Variants in ADAM17 observed in about 807,000 individuals in gnomAD.
ADAM17 encodes the protein ADAM metallopeptidase domain 17.
A neutral mutation model predicts 96.7 loss-of-function variants in ADAM17; 39 were observed. The ratio of observed to expected loss-of-function variants is 0.40; its 90% CI spans 0.31 to 0.53. The LOEUF (loss-of-function observed/expected upper bound fraction) is 0.53. Among genes scored for constraint, ADAM17 ranks in the 20% least tolerant of loss-of-function variants. The pLI is 0.44. For missense variants in ADAM17, 777 were observed against 1,013.2 expected (o/e 0.77, Z 3.17); for synonymous variants, 344 against 359.2 (o/e 0.96, Z 0.48).
chr2:9,537,871 G>C (rs1467132336), intron 2 of ADAM17, among the ~76,000 whole-genome samples: 1 of 130,542 alleles, frequency 7.7e-6, no homozygotes, highest in African/African-American at 2.8e-5. Flanking sequence ...CCAGAAGACA[G>C]GAAAAGAGGG....
intron 2 of ADAM17, among the ~76,000 whole-genome samples, chr2:9,541,969 G>C (rs1665222617): frequency 6.6e-6 from 1 of 152,130 alleles, no homozygotes; most frequent in Non-Finnish European, 1.5e-5. Flanking sequence ...GAACCCAGGA[G>C]GCAGAGGTTG....
chr2:9,535,234 A>G (rs188256424), intron 4 of ADAM17, among the ~76,000 whole-genome samples: 41 of 152,278 alleles, frequency 2.7e-4, no homozygotes, highest in African/African-American at 9.1e-4. Context: ...CACCACCCAG[A>G]GTCTTCTCAT....
At chr2:9,514,525 ATATATATATATATATATATATAT>A (rs1558509896) in intron 10 of ADAM17, among the ~76,000 whole-genome samples, 1 of 5,722 alleles carries the variant, frequency 1.7e-4, no homozygotes, top group African/African-American at 7.6e-4. Flanking sequence ...ATAAATATAT[ATATATATATATATATATATATAT>A]ATATATATAT....
At chr2:9,527,054 G>T (rs975078559) in intron 5 of ADAM17, among the ~76,000 whole-genome samples, 2 of 152,092 alleles carry the variant, frequency 1.3e-5, no homozygotes, top group Non-Finnish European at 2.9e-5. Context: ...CGGGCATGTT[G>T]GTGCACGCCT....
chr2:9,496,202 C>A (rs1339435266), intron 14 of ADAM17: 1 of 152,166 alleles, frequency 6.6e-6, no homozygotes, highest in Admixed American at 6.6e-5. Flanking sequence ...AATCTCAGCT[C>A]ACAGCAACCT....
At chr2:9,540,210 C>T (rs1665152836) in intron 2 of ADAM17, among the ~76,000 whole-genome samples, 1 of 152,154 alleles carries the variant, frequency 6.6e-6, no homozygotes, top group Non-Finnish European at 1.5e-5. Flanking sequence ...TTATAGTTTC[C>T]TCACTCTTCC....
chr2:9,538,636 G>A (rs1665084425), intron 2 of ADAM17, among the ~76,000 whole-genome samples: 1 of 152,056 alleles, frequency 6.6e-6, no homozygotes, highest in African/African-American at 2.4e-5. Flanking sequence ...AGAAATCAGT[G>A]GAATTGCATT....
At chr2:9,543,084 T>G in intron 2 of ADAM17, 69 bp downstream of exon 2, 1 of 1,444,242 alleles carries the variant, frequency 6.9e-7, no homozygotes, top group East Asian at 2.4e-5. Context: ...GTAGATACCC[T>G]TACTTTTTTG....
chr2:9,517,882 T>G lies in ADAM17; in HGVS notation c.1191+19A>C, dbSNP rs1664134769. 1 of 1,515,490 alleles carries G rather than the reference T, an allele frequency of 6.6e-7. No individual in the cohort carries two copies. The allele number at this position is 1,515,490 out of a possible 1,614,324, so 93.9% of individuals were successfully genotyped here. ...ACAATAAACTCTAACACTATTCTTT[T>G]AGAAATAAAAGAACATACCTTTGTA... is the stretch of plus-strand genomic sequence containing the variant. On this transcript the variant is annotated intron_variant, in intron 10 of 18. Transcript: ENST00000310823.
At chr2:9,545,219 C>A (rs1180088079) in intron 1 of ADAM17, among the ~76,000 whole-genome samples, 1 of 152,142 alleles carries the variant, frequency 6.6e-6, no homozygotes, top group Non-Finnish European at 1.5e-5. Flanking sequence ...CCAGTGGGAT[C>A]CAATAGTCTG....
intron 10 of ADAM17, chr2:9,512,422 T>C (rs1213831797): frequency 6.6e-6 from 1 of 152,216 alleles, no homozygotes; most frequent in Non-Finnish European, 1.5e-5. Context: ...ACATGTATGT[T>C]TCTGTCCATG....
At chr2:9,543,099 T>C in intron 2 of ADAM17, 54 bp downstream of exon 2, 1 of 1,500,090 alleles carries the variant, frequency 6.7e-7, no homozygotes, top group South Asian at 1.4e-5. Context: ...TTTTTGTTTT[T>C]GCCAAACCAA....
Position 9,555,563 on chromosome 2 carries a change from C to T in ADAM17, c.43G>A (p.Val15Met), listed in dbSNP as rs775086314. ...LLFLTSVVPF[V>M]LAPRPPDDPG... ...TCATCCGGAGGTCGCGGCGCCAGCA[C>T]GAAAGGAACCACGCTGGTCAGGAAT... The change falls in exon 1 of 19, where the codon GTG becomes ATG. Residue 15 changes from valine (V) to methionine (M), a missense_variant. Transcript: ENST00000310823. 4.4e-6 allele frequency: 7 copies of T among 1,601,934 alleles called. No homozygotes were observed. In the Admixed American group the frequency reaches 1.2e-4, roughly 27 times the overall value.
At chr2:9,549,686 G>T (rs918502190) in intron 1 of ADAM17, among the ~76,000 whole-genome samples, 1 of 151,884 alleles carries the variant, frequency 6.6e-6, no homozygotes, top group Non-Finnish European at 1.5e-5. Context: ...GCTAATTTTT[G>T]TTTCTATTTT....
intron 17 of ADAM17, among the ~76,000 whole-genome samples, chr2:9,492,005 C>T (rs1662196276): frequency 1.3e-5 from 2 of 152,224 alleles, no homozygotes; most frequent in Admixed American, 1.3e-4. Context: ...AGCACAAGTG[C>T]TCCCTAGAGA....
intron 10 of ADAM17, among the ~76,000 whole-genome samples, chr2:9,515,118 T>C (rs1293431635): frequency 6.6e-6 from 1 of 152,182 alleles, no homozygotes; most frequent in Non-Finnish European, 1.5e-5. Context: ...TTATACTGAC[T>C]GTTGAAGTAT....
chr2:9,508,232 C>G (rs991899629), intron 11 of ADAM17, among the ~76,000 whole-genome samples: 1 of 152,126 alleles, frequency 6.6e-6, no homozygotes, highest in Non-Finnish European at 1.5e-5. Flanking sequence ...TGTTCCTAGT[C>G]ACATATTTTA....
intron 2 of ADAM17, among the ~76,000 whole-genome samples, chr2:9,537,507 G>C (rs1185776186): frequency 6.6e-6 from 1 of 152,174 alleles, no homozygotes; most frequent in African/African-American, 2.4e-5. Flanking sequence ...GTTGAGCTGG[G>C]CGGATCACGA....
At chr2:9,522,537 T>C in intron 7 of ADAM17, 1 of 494,336 alleles carries the variant, frequency 2.0e-6, no homozygotes, top group Non-Finnish European at 3.7e-6. Flanking sequence ...TTTATAAACA[T>C]GGTGAATGAT....
Sources: gnomAD v4.1 joint callset for allele counts (sites outside exome capture counted in the v4.1 genomes callset) on GRCh38, gnomAD v4.1.1 for gene constraint, MANE v1.5 for transcripts, NCBI Gene and HGNC (gene_info 2026-07-23, HGNC 2026-07-21) for gene names.